GRIK2: variants seen among roughly 807,000 people sequenced by gnomAD.
GRIK2 encodes the protein glutamate ionotropic receptor kainate type subunit 2.
A neutral mutation model predicts 100.3 loss-of-function variants in GRIK2; 32 were observed. The ratio of observed to expected loss-of-function variants is 0.32; its 90% CI spans 0.24 to 0.43. The LOEUF is 0.43. Among genes scored for constraint, GRIK2 ranks in the 20% least tolerant of loss-of-function variants. GRIK2 has a pLI of 1.00. For synonymous variants in GRIK2, 417 were observed against 389.4 expected, an observed-to-expected ratio of 1.07 and a Z score of -0.83; for missense variants, 843 against 1,114.9, an observed-to-expected ratio of 0.76 and a Z score of 3.47.
chr6:101,456,133 A>T (rs115172680), intron 2 of GRIK2, among the ~76,000 whole-genome samples: 5,180 of 148,724 alleles, frequency 0.035, 219 homozygotes, highest in African/African-American at 0.1. Context: ...TTTTTTTTTT[A>T]AAAAAAGAGA....
At chr6:101,553,229 G>A (rs1021808666) in intron 2 of GRIK2, among the ~76,000 whole-genome samples, 1 of 152,148 alleles carries the variant, frequency 6.6e-6, no homozygotes, top group Non-Finnish European at 1.5e-5. Context: ...TGTGCATAGT[G>A]ATTGTCCTAT....
chr6:101,734,839 A>C (rs1775525196), intron 7 of GRIK2, among the ~76,000 whole-genome samples: 1 of 152,194 alleles, frequency 6.6e-6, no homozygotes, highest in Non-Finnish European at 1.5e-5. Flanking sequence ...GAGGAAAGGC[A>C]GAGAGAAAGG....
intron 2 of GRIK2, among the ~76,000 whole-genome samples, chr6:101,619,971 G>T (rs1780071340): frequency 6.6e-6 from 1 of 152,110 alleles, no homozygotes; most frequent in South Asian, 2.1e-4. Context: ...AAGGTTCATT[G>T]TGACCTCAAA....
intron 12 of GRIK2, among the ~76,000 whole-genome samples, chr6:101,918,266 A>G (rs1454764275): frequency 2.0e-5 from 3 of 151,710 alleles, no homozygotes; most frequent in African/African-American, 7.2e-5. Flanking sequence ...TAGAAAGGCC[A>G]TTTCAGCTTA....
chr6:101,825,792 A>T (rs1782286135), intron 10 of GRIK2, among the ~76,000 whole-genome samples: 1 of 152,114 alleles, frequency 6.6e-6, no homozygotes, highest in African/African-American at 2.4e-5. Context: ...CACTAGCAAA[A>T]TATGTGAAAA....
At chr6:101,946,652 G>A (rs1205522852) in intron 14 of GRIK2, among the ~76,000 whole-genome samples, 1 of 152,146 alleles carries the variant, frequency 6.6e-6, no homozygotes, top group Non-Finnish European at 1.5e-5. Context: ...AGCCATGACT[G>A]CACCAGAACA....
intron 4 of GRIK2, among the ~76,000 whole-genome samples, chr6:101,658,537 A>C (rs898983495): frequency 6.6e-6 from 1 of 152,218 alleles, no homozygotes; most frequent in Non-Finnish European, 1.5e-5. Context: ...TCTTTATAGT[A>C]GAATGATTTA....
At chr6:101,522,477 C>A (rs897985583) in intron 2 of GRIK2, among the ~76,000 whole-genome samples, 1 of 152,146 alleles carries the variant, frequency 6.6e-6, no homozygotes. Flanking sequence ...TAATGTGTCG[C>A]TTTCCAGTTG....
chr6:101,543,032 C>A (rs546482416), intron 2 of GRIK2, among the ~76,000 whole-genome samples: 6 of 152,138 alleles, frequency 3.9e-5, no homozygotes, highest in Non-Finnish European at 8.8e-5. Flanking sequence ...AAATTGGATT[C>A]TTTCCTGTGT....
intron 4 of GRIK2, among the ~76,000 whole-genome samples, chr6:101,647,892 G>T (rs991303123): frequency 1.9e-4 from 29 of 151,952 alleles, no homozygotes; most frequent in South Asian, 8.3e-4. Context: ...AATATTCATG[G>T]CTTAGGCAAG....
chr6:101,452,449 G>GTT (rs11411818), intron 2 of GRIK2, among the ~76,000 whole-genome samples: 33 of 149,160 alleles, frequency 2.2e-4, no homozygotes, highest in African/African-American at 8.1e-4. Flanking sequence ...AAATTTTTGT[G>GTT]TTTTTTTTTT....
Position 101,686,241 on chromosome 6 carries a change from G to A in GRIK2, c.839G>A (p.Arg280Lys). The A allele has an allele frequency of 6.2e-7, 1 of 1,612,838 alleles. No individual in the cohort carries two copies. Among genetic ancestry groups the A allele is most frequent in the Non-Finnish European group, 8.5e-7 (1 of 1,179,026 alleles). The change falls in exon 7 of 17, where the codon AGA becomes AAA. Residue 280 changes from arginine to lysine, a missense_variant. Physicochemically the swap from Arg to Lys is conservative, Grantham distance 26 (BLOSUM62 2). This residue lies in a region of GRIK2 where 519 missense variants were observed against 643.8 expected (regional missense o/e 0.81). Coordinates refer to ENST00000369134, the MANE Select transcript of GRIK2 (RefSeq NM_021956.5). ...AGTGGTGTTAACATGACAGGGTTCA[G>A]AATATTAAATACAGAAAATACCCAA... is the stretch of plus-strand genomic sequence containing the variant. ...RYSGVNMTGF[R>K]ILNTENTQVS... is the part of the protein sequence containing the mutation.
chr6:101,672,634 T>A (rs1301560305), intron 4 of GRIK2, among the ~76,000 whole-genome samples: 2 of 152,264 alleles, frequency 1.3e-5, no homozygotes, highest in Non-Finnish European at 2.9e-5. Flanking sequence ...GTTACATGGG[T>A]AAATTTTGTG....
intron 7 of GRIK2, among the ~76,000 whole-genome samples, chr6:101,729,904 TC>T (rs1775142162): frequency 6.6e-6 from 1 of 152,002 alleles, no homozygotes; most frequent in African/African-American, 2.4e-5. Context: ...ACAGGCATTA[TC>T]TATATCATAA....
chr6:101,462,437 CTT>C lies in GRIK2; in HGVS notation c.115+63049_115+63050del, dbSNP rs557342195. ...TGGTTTTGGAGAAAATGTCACTGAG[CTT>C]TTTCTTTCAGCAAAAATAGAGTCAA... is the stretch of plus-strand genomic sequence containing the variant. On this transcript the variant is annotated intron_variant, in intron 2 of 16. Transcript: ENST00000369134. Among the ~76,000 whole-genome samples the C allele has an allele frequency of 7.9e-5, 12 of 152,158 alleles. No homozygotes were observed. In the South Asian group the frequency reaches 2.5e-3, roughly 32 times the overall value.
chr6:101,689,246 T>G (rs1290225573), intron 7 of GRIK2, among the ~76,000 whole-genome samples: 2 of 152,064 alleles, frequency 1.3e-5, no homozygotes, highest in Non-Finnish European at 2.9e-5. Flanking sequence ...GAGATCTCAG[T>G]GTTTATGTAT....
rs1367007367 is a variant in GRIK2, at chr6:101,833,134, T to G, written c.1317+14651T>G. On this transcript the variant is annotated intron_variant, in intron 10 of 16. Transcript: ENST00000369134. ...GAGTCAATTTATGGAAATGCTCCTG[T>G]ATTTAAGAGATTTACAATTAATTGT... Among the ~76,000 whole-genome samples, 3 of 151,684 alleles carry G rather than the reference T, an allele frequency of 2.0e-5. No individual in the cohort carries two copies. The East Asian group carries it at 5.9e-4, about 30-fold the overall frequency.
chr6:102,055,469 T>C lies in GRIK2; in HGVS notation c.2451T>C (p.Val817=). ...GCAAAGAGGCCAGTGCCCTGGGGGTTCAGAATATTGGTGGCATCTTCATTG... is the reference window on the plus strand; with the variant it reads ...GCAAAGAGGCCAGTGCCCTGGGGGTCCAGAATATTGGTGGCATCTTCATTG... ...EESKEASALG[V]QNIGGIFIVL... is the part of the protein sequence containing the mutation. Residue 817 remains valine, a synonymous_variant, in exon 16 of 17, where the codon GTT becomes GTC. Coordinates refer to ENST00000369134, the MANE Select transcript of GRIK2 (RefSeq NM_021956.5). 1 of 1,613,866 alleles carries C rather than the reference T, an allele frequency of 6.2e-7. No homozygotes were observed. The highest frequency in any genetic ancestry group is 8.5e-7 in the Non-Finnish European group (1 of 1,179,852).
intron 2 of GRIK2, among the ~76,000 whole-genome samples, chr6:101,419,767 G>A (rs1776325691): frequency 6.6e-6 from 1 of 152,142 alleles, no homozygotes. Flanking sequence ...CCTGCCTTAT[G>A]TTCCTTTCAC....
Sources: gnomAD v4.1 joint callset for allele counts (sites outside exome capture counted in the v4.1 genomes callset) on GRCh38, gnomAD v4.1.1 for gene constraint, gnomAD v4.1.1 regional missense constraint, MANE v1.5 for transcripts, NCBI Gene and HGNC (gene_info 2026-07-23, HGNC 2026-07-21) for gene names.